The following ALPK1 variants were observed in gnomAD, a reference collection of about 807,000 sequenced individuals.
ALPK1 encodes alpha kinase 1, also known as alpha-protein kinase 1.
In ALPK1, 110 loss-of-function variants were observed where a neutral mutation model predicts 120.6. The ratio of observed to expected loss-of-function variants is 0.91; its 90% CI spans 0.78 to 1.07. The LOEUF is 1.07. Among genes scored for constraint, ALPK1 ranks in the 50% least tolerant of loss-of-function variants. The probability of loss-of-function intolerance (pLI) is 0.00; values close to 1 mark genes in which losing one functional copy is unlikely to be tolerated. For missense variants in ALPK1, 1,498 were observed against 1,483.9 expected, an observed-to-expected ratio of 1.01 and a Z score of -0.16; for synonymous variants, 582 against 560.3, an observed-to-expected ratio of 1.04 and a Z score of -0.55.
intron 2 of ALPK1, among the ~76,000 whole-genome samples, chr4:112,372,404 G>A (rs1439155648): frequency 2.0e-5 from 3 of 151,954 alleles, no homozygotes; most frequent in African/African-American, 4.8e-5. Flanking sequence ...AGTAAAGACC[G>A]GGTTTCTCCG....
chr4:112,408,153 T>C (rs1019679874), intron 4 of ALPK1, among the ~76,000 whole-genome samples: 1 of 151,646 alleles, frequency 6.6e-6, no homozygotes, highest in South Asian at 2.1e-4. Context: ...AAATCAAGCA[T>C]GCACTTAAGT....
At chr4:112,312,290 T>C (rs568800502) in intron 1 of ALPK1, among the ~76,000 whole-genome samples, 36 of 152,322 alleles carry the variant, frequency 2.4e-4, no homozygotes, top group Non-Finnish European at 4.7e-4. Flanking sequence ...CTTTTTTTTT[T>C]TGAGATGGAG....
At chr4:112,341,595 TCTC>T (rs1334646251) in intron 2 of ALPK1, among the ~76,000 whole-genome samples, 3 of 152,200 alleles carry the variant, frequency 2.0e-5, no homozygotes, top group African/African-American at 7.2e-5. Flanking sequence ...TTATTGATCT[TCTC>T]CTCAATTATT....
At position 112,374,079 on chromosome 4, in the gene ALPK1, T is replaced by C. The variant is rs75308290; in HGVS notation, c.-100-3599T>C. 2.4e-3 allele frequency among the ~76,000 whole-genome samples: 361 copies of C among 152,318 alleles called. 4 individuals carry two copies. The highest frequency in any genetic ancestry group is 8.1e-3 in the African/African-American group (338 of 41,564). ...GATTGAGTCATCCTTTTCCTAAAGATTTTTCTGTGGCATGTGATGCTGTCT... is the reference window on the plus strand; with the variant it reads ...GATTGAGTCATCCTTTTCCTAAAGACTTTTCTGTGGCATGTGATGCTGTCT... On this transcript the variant is annotated intron_variant, in intron 2 of 15. Coordinates refer to ENST00000650871, the MANE Select transcript of ALPK1 (RefSeq NM_025144.4).
At chr4:112,323,359 A>G (rs1379721814) in intron 2 of ALPK1, among the ~76,000 whole-genome samples, 1 of 152,202 alleles carries the variant, frequency 6.6e-6, no homozygotes, top group Non-Finnish European at 1.5e-5. Context: ...GAGCAGATTC[A>G]GTCTTTTATT....
intron 4 of ALPK1, among the ~76,000 whole-genome samples, chr4:112,404,022 GC>G (rs1396483018): frequency 6.6e-6 from 1 of 152,218 alleles, no homozygotes; most frequent in Admixed American, 6.5e-5. Context: ...TGCTTAGAAG[GC>G]CCCCTTTCAA....
Position 112,425,736 on chromosome 4 carries a change from AT to A in ALPK1, c.609del (p.Leu204CysfsTer13). ...GGTCTGTATACAGATCAGAGGGCAG[AT>A]TCTGCAAAAGCTGGGTACAATCATG... ...QSVCIQIRGQ[I>X]LQKLGMWYEA... is the part of the protein sequence containing the mutation. On this transcript the variant is annotated frameshift_variant, in exon 7 of 16. Transcript: ENST00000650871. LOFTEE classifies it high-confidence loss of function. 6.2e-7 allele frequency: 1 copy of A among 1,611,498 alleles called. No homozygotes were observed. Among genetic ancestry groups the A allele is most frequent in the South Asian group, 1.1e-5 (1 of 90,716 alleles).
In ALPK1 at chr4:112,432,290, GGA is replaced by G; in HGVS notation, c.2744_2745del (p.Gly915GlufsTer28). 6.2e-7 allele frequency: 1 copy of G among 1,614,206 alleles called. No individual in the cohort carries two copies. On this transcript the variant is annotated frameshift_variant, in exon 11 of 16. Transcript: ENST00000650871. LOFTEE classifies it high-confidence loss of function. Reference protein sequence around the residue: ...CTTTEEGNQPGNMLNCSQNSS... With the variant: ...CTTTEEGNQPXNMLNCSQNSS... ...TACCACAGAGGAAGGAAATCAGCCT[GGA>G]AACATGCTAAACTGCAGCCAGAACT...
chr4:112,339,718 C>G (rs1027797834), intron 2 of ALPK1, among the ~76,000 whole-genome samples: 1 of 152,160 alleles, frequency 6.6e-6, no homozygotes. Flanking sequence ...ATATAGTCAG[C>G]TGAGTTGTCT....
chr4:112,312,819 C>T (rs551285151), intron 1 of ALPK1, among the ~76,000 whole-genome samples: 72 of 152,286 alleles, frequency 4.7e-4, no homozygotes, highest in African/African-American at 1.6e-3. Flanking sequence ...ACAGTTATCA[C>T]CCCAAGTCAT....
At chr4:112,358,271 G>A (rs770809951) in intron 2 of ALPK1, 1 of 591,298 alleles carries the variant, frequency 1.7e-6, no homozygotes, top group Non-Finnish European at 3.2e-6. Context: ...GCCCTCCTGG[G>A]TGCGTCCCTA....
chr4:112,334,814 G>C (rs1729540556), intron 2 of ALPK1, among the ~76,000 whole-genome samples: 1 of 151,962 alleles, frequency 6.6e-6, no homozygotes, highest in South Asian at 2.1e-4. Context: ...AGCTGGATGA[G>C]AAAAAAAATC....
In ALPK1 at chr4:112,432,520, G is replaced by C. The variant is rs1423894105; in HGVS notation, c.2973G>C (p.Trp991Cys). Reference protein sequence around the residue: ...EKLLAGVRHDWLFQRLENTGV... With the variant: ...EKLLAGVRHDCLFQRLENTGV... ...TGTTGGCAGGAGTGAGGCATGATTG[G>C]CTGTTTCAGAGACTAGAGAATACGG... Residue 991 changes from tryptophan (W) to cysteine (C), a missense_variant, in exon 11 of 16, where the codon TGG becomes TGC. Coordinates refer to ENST00000650871, the MANE Select transcript of ALPK1 (RefSeq NM_025144.4). 1 of 1,614,104 alleles carries C rather than the reference G, an allele frequency of 6.2e-7. No individual in the cohort carries two copies.
intron 1 of ALPK1, among the ~76,000 whole-genome samples, chr4:112,307,343 C>T (rs1396747621): frequency 1.3e-5 from 2 of 151,988 alleles, no homozygotes; most frequent in African/African-American, 4.8e-5. Flanking sequence ...CTAATGTTGA[C>T]AGTGGGGTGT....
At chr4:112,344,993 G>T (rs891011138) in intron 2 of ALPK1, among the ~76,000 whole-genome samples, 2 of 152,212 alleles carry the variant, frequency 1.3e-5, no homozygotes, top group Non-Finnish European at 2.9e-5. Flanking sequence ...GATCAATGAA[G>T]TTGGAGATTT....
At chr4:112,368,923 C>G (rs770960251) in intron 2 of ALPK1, among the ~76,000 whole-genome samples, 59 of 152,146 alleles carry the variant, frequency 3.9e-4, no homozygotes, top group Non-Finnish European at 7.5e-4. Context: ...TCCCCTCTCA[C>G]CTTACAAGAC....
chr4:112,440,817 G>GCA (rs1735004778), intron 14 of ALPK1, 100 bp from the exon 15 acceptor site: 2 of 1,467,060 alleles, frequency 1.4e-6, no homozygotes, highest in East Asian at 4.7e-5. Flanking sequence ...CTTTAAGTGT[G>GCA]TGTGTGTGTG....
intron 4 of ALPK1, among the ~76,000 whole-genome samples, chr4:112,393,574 C>G (rs891102006): frequency 6.6e-6 from 1 of 151,976 alleles, no homozygotes; most frequent in Non-Finnish European, 1.5e-5. Flanking sequence ...CATTGCTTAC[C>G]ATTATAATAA....
intron 2 of ALPK1, among the ~76,000 whole-genome samples, chr4:112,328,494 G>T (rs904823642): frequency 6.6e-6 from 1 of 152,182 alleles, no homozygotes; most frequent in Admixed American, 6.5e-5. Flanking sequence ...CTTGCTGCTT[G>T]TTGCCATTGT....
Sources: gnomAD v4.1 joint callset for allele counts (sites outside exome capture counted in the v4.1 genomes callset) on GRCh38, gnomAD v4.1.1 for gene constraint, MANE v1.5 for transcripts, NCBI Gene and HGNC (gene_info 2026-07-23, HGNC 2026-07-21) for gene names.